The following PDZRN4 variants were observed in gnomAD, a reference collection of about 807,000 sequenced individuals.
PDZRN4 encodes PDZ domain-containing RING finger protein 4.
A neutral mutation model predicts 99.0 loss-of-function variants in PDZRN4; 70 were observed. The observed-to-expected ratio is 0.71, with a 90% CI of 0.58 to 0.86. PDZRN4 has a LOEUF of 0.86. Among genes scored for constraint, PDZRN4 ranks in the 40% least tolerant of loss-of-function variants. The probability of loss-of-function intolerance (pLI) is 0.00; values close to 1 mark genes in which losing one functional copy is unlikely to be tolerated. For missense variants in PDZRN4, 1,474 were observed against 1,331.2 expected, an observed-to-expected ratio of 1.11 and a Z score of -1.67; for synonymous variants, 551 against 501.6, an observed-to-expected ratio of 1.10 and a Z score of -1.32.
At chr12:41,277,218 C>T (rs1293190041) in intron 3 of PDZRN4, among the ~76,000 whole-genome samples, 1 of 152,092 alleles carries the variant, frequency 6.6e-6, no homozygotes, top group Admixed American at 6.5e-5. Context: ...ATACATGAAC[C>T]AGCAGATGGC....
chr12:41,368,101 T>C (rs1952015244), intron 3 of PDZRN4, among the ~76,000 whole-genome samples: 1 of 152,030 alleles, frequency 6.6e-6, no homozygotes, highest in Non-Finnish European at 1.5e-5. Flanking sequence ...AAAAGCCCAG[T>C]CCTACTTTTA....
chr12:41,474,177 C>T (rs1565592455), intron 3 of PDZRN4, among the ~76,000 whole-genome samples: 1 of 152,152 alleles, frequency 6.6e-6, no homozygotes, highest in African/African-American at 2.4e-5. Context: ...GTCTTTGCAT[C>T]ACAACCAATA....
chr12:41,273,743 T>A (rs1345182049), intron 3 of PDZRN4, among the ~76,000 whole-genome samples: 1 of 152,130 alleles, frequency 6.6e-6, no homozygotes, highest in East Asian at 1.9e-4. Flanking sequence ...TGATAAAATA[T>A]GTTTTCAGGT....
At chr12:41,243,658 T>C (rs1157930374) in intron 3 of PDZRN4, among the ~76,000 whole-genome samples, 1 of 152,110 alleles carries the variant, frequency 6.6e-6, no homozygotes, top group Non-Finnish European at 1.5e-5. Context: ...TAAAATAAAA[T>C]TATCTTTCAT....
At chr12:41,382,976 T>G (rs1229644687) in intron 3 of PDZRN4, among the ~76,000 whole-genome samples, 7 of 152,236 alleles carry the variant, frequency 4.6e-5, no homozygotes, top group Admixed American at 4.6e-4. Context: ...TTTTTTCTCT[T>G]TGGGATTTTC....
intron 3 of PDZRN4, among the ~76,000 whole-genome samples, chr12:41,385,478 A>G (rs548775795): frequency 6.6e-5 from 10 of 152,194 alleles, no homozygotes; most frequent in African/African-American, 9.6e-5. Flanking sequence ...ATCAGAAACA[A>G]CAAAGGGGAT....
chr12:41,254,037 G>C (rs950073462), intron 3 of PDZRN4, among the ~76,000 whole-genome samples: 29 of 3,628 alleles, frequency 8.0e-3, no homozygotes, highest in Non-Finnish European at 0.026. Context: ...GTGTGTGCGT[G>C]TGTGTGTGTG....
intron 3 of PDZRN4, among the ~76,000 whole-genome samples, chr12:41,349,759 A>G (rs1390518920): frequency 6.6e-6 from 1 of 152,060 alleles, no homozygotes; most frequent in African/African-American, 2.4e-5. Flanking sequence ...TATTAAATAC[A>G]TAATTACAAT....
At chr12:41,197,822 G>A (rs927574257) in intron 3 of PDZRN4, among the ~76,000 whole-genome samples, 6 of 152,070 alleles carry the variant, frequency 3.9e-5, no homozygotes, top group African/African-American at 1.4e-4. Flanking sequence ...GTGGTATGTG[G>A]GAGGGAGTTG....
intron 3 of PDZRN4, among the ~76,000 whole-genome samples, chr12:41,228,307 A>G (rs1284926782): frequency 2.6e-5 from 4 of 152,168 alleles, no homozygotes; most frequent in Admixed American, 6.6e-5. Context: ...AGGGAAATTC[A>G]TGAGGGTTTC....
At chr12:41,396,773 C>A (rs1952249108) in intron 3 of PDZRN4, among the ~76,000 whole-genome samples, 3 of 152,088 alleles carry the variant, frequency 2.0e-5, no homozygotes, top group Admixed American at 1.3e-4. Context: ...ACTAGAAGAT[C>A]TAATGTAAAG....
rs771785191 is a variant in PDZRN4, at chr12:41,552,701, A to G, written c.1249A>G (p.Thr417Ala). The G allele has an allele frequency of 1.2e-6, 2 of 1,613,890 alleles. No homozygotes were observed. The highest frequency in any genetic ancestry group is 1.6e-4 in the Middle Eastern group (1 of 6,062). The change falls in exon 6 of 10, where the codon ACA becomes GCA. Residue 417 changes from threonine (T) to alanine (A), a missense_variant. By Grantham distance (58) the Thr-to-Ala change is moderately conservative (BLOSUM62 0). Transcript: ENST00000402685. ...TAGCAGTCAAGAGAAGCTGGGCCTG[A>G]CAGTCTGTTACCGAACAGATGATGA... ...RVSSQEKLGL[T>A]VCYRTDDEED...
At chr12:41,350,244 G>A (rs1918228) in intron 3 of PDZRN4, among the ~76,000 whole-genome samples, 58,567 of 151,740 alleles carry the variant, frequency 0.39, 11,411 homozygotes, top group African/African-American at 0.41. Flanking sequence ...GTGTGCTCCC[G>A]TGGCTTACTG....
chr12:41,276,615 A>C (rs1951351618), intron 3 of PDZRN4, among the ~76,000 whole-genome samples: 1 of 152,170 alleles, frequency 6.6e-6, no homozygotes, highest in Non-Finnish European at 1.5e-5. Context: ...CCTTGCAATA[A>C]ATTTATGAGA....
chr12:41,379,089 T>C (rs754369665), intron 3 of PDZRN4, among the ~76,000 whole-genome samples: 19 of 152,142 alleles, frequency 1.2e-4, no homozygotes, highest in Non-Finnish European at 2.8e-4. Flanking sequence ...TCAGTTTTCA[T>C]AGGTTATATG....
chr12:41,229,532 T>G (rs9788073), intron 3 of PDZRN4, among the ~76,000 whole-genome samples: 101,523 of 151,828 alleles, frequency 0.67, 34,087 homozygotes, highest in South Asian at 0.73. Flanking sequence ...ACTCCCTCAG[T>G]CCATGACCTT....
intron 3 of PDZRN4, among the ~76,000 whole-genome samples, chr12:41,494,442 C>T (rs1189194685): frequency 6.6e-6 from 1 of 152,078 alleles, no homozygotes; most frequent in Non-Finnish European, 1.5e-5. Context: ...ATAGTAAGCA[C>T]TCAACAAGTT....
chr12:41,281,766 C>T (rs946525957), intron 3 of PDZRN4, among the ~76,000 whole-genome samples: 2 of 152,034 alleles, frequency 1.3e-5, no homozygotes, highest in Non-Finnish European at 2.9e-5. Flanking sequence ...AGTGACAGGG[C>T]GAATGGAACC....
intron 3 of PDZRN4, among the ~76,000 whole-genome samples, chr12:41,264,475 A>G (rs941673248): frequency 2.4e-4 from 36 of 152,290 alleles, no homozygotes; most frequent in African/African-American, 8.2e-4. Context: ...AGAGGGCAAT[A>G]TAATATTGCT....
Sources: allele counts gnomAD v4.1 joint callset (sites outside exome capture counted in the v4.1 genomes callset), GRCh38; gene constraint gnomAD v4.1.1; transcripts MANE v1.5; gene names NCBI Gene and HGNC (gene_info 2026-07-23, HGNC 2026-07-21).